Variants in ZCCHC7 observed in about 807,000 individuals in gnomAD.
The protein encoded by ZCCHC7 is zinc finger CCHC-type containing 7, also known as zinc finger CCHC domain-containing protein 7.
In ZCCHC7, 35 loss-of-function variants were observed where a neutral mutation model predicts 52.0. The ratio of observed to expected loss-of-function variants is 0.67; its 90% CI spans 0.51 to 0.89. The LOEUF (loss-of-function observed/expected upper bound fraction) is 0.89. Among genes scored for constraint, ZCCHC7 ranks in the 40% least tolerant of loss-of-function variants. ZCCHC7 has a pLI of 0.00. For synonymous variants in ZCCHC7, 217 were observed against 221.5 expected (o/e 0.98, Z 0.18); for missense variants, 574 against 649.1 (o/e 0.88, Z 1.26).
chr9:37,155,121 G>A (rs1039422460), intron 2 of ZCCHC7, among the ~76,000 whole-genome samples: 1 of 152,116 alleles, frequency 6.6e-6, no homozygotes, highest in African/African-American at 2.4e-5. Flanking sequence ...AGCACTTTGG[G>A]AGGCCAAGGC....
At chr9:37,349,529 T>C (rs1349695209) in intron 7 of ZCCHC7, 77 bp downstream of exon 7, 7 of 1,366,042 alleles carry the variant, frequency 5.1e-6, no homozygotes, top group Admixed American at 1.9e-5. Flanking sequence ...TCAAAAAGAA[T>C]GTAACTCTAA....
At chr9:37,259,523 G>A (rs1826763112) in intron 2 of ZCCHC7, among the ~76,000 whole-genome samples, 1 of 152,094 alleles carries the variant, frequency 6.6e-6, no homozygotes, top group Non-Finnish European at 1.5e-5. Context: ...TTGAGGACAG[G>A]CCTTGTACTG....
At chr9:37,222,227 CAAAT>C (rs1824852143) in intron 2 of ZCCHC7, among the ~76,000 whole-genome samples, 1 of 146,196 alleles carries the variant, frequency 6.8e-6, no homozygotes, top group Admixed American at 6.8e-5. Context: ...AAAAAAAAAA[CAAAT>C]GGTGACGTGT....
chr9:37,204,824 G>C (rs906205953), intron 2 of ZCCHC7, among the ~76,000 whole-genome samples: 1 of 152,106 alleles, frequency 6.6e-6, no homozygotes. Context: ...TTTTAAAGTA[G>C]TTTTTTTCTG....
chr9:37,320,226 T>G (rs1287175263), intron 5 of ZCCHC7, among the ~76,000 whole-genome samples: 1 of 151,974 alleles, frequency 6.6e-6, no homozygotes, highest in Admixed American at 6.6e-5. Flanking sequence ...TACAGGCGCC[T>G]ACCACCACAC....
intron 2 of ZCCHC7, among the ~76,000 whole-genome samples, chr9:37,294,572 G>T (rs1166787241): frequency 1.3e-5 from 2 of 152,244 alleles, no homozygotes; most frequent in East Asian, 3.9e-4. Flanking sequence ...TACAGAAATT[G>T]TAAGTTTTTT....
chr9:37,169,043 A>G (rs1016911577), intron 2 of ZCCHC7, among the ~76,000 whole-genome samples: 1 of 152,202 alleles, frequency 6.6e-6, no homozygotes, highest in African/African-American at 2.4e-5. Flanking sequence ...TGAACTGTTG[A>G]AAGATCTCCT....
rs1829066368 is a variant in ZCCHC7 at position 37,302,241 on chromosome 9, A to G, written c.654+10A>G. On this transcript the variant is annotated intron_variant, in intron 3 of 8. Transcript: ENST00000336755. Reference sequence around the variant, plus strand: ...TGACAAAGACATTGAGGTAAAATCAAATTGTTTTTAAAATTCAGAATAATA... The same window carrying G: ...TGACAAAGACATTGAGGTAAAATCAGATTGTTTTTAAAATTCAGAATAATA... 1 of 1,595,048 alleles carries G rather than the reference A, an allele frequency of 6.3e-7. No individual in the cohort carries two copies. Among genetic ancestry groups the G allele is most frequent in the Non-Finnish European group, 8.6e-7 (1 of 1,165,814 alleles).
intron 5 of ZCCHC7, chr9:37,327,446 T>A (rs563156608): frequency 4.7e-6 from 1 of 210,596 alleles, no homozygotes; most frequent in African/African-American, 2.3e-5. Flanking sequence ...AAAATGCTGT[T>A]TTAAAAGGTG....
At chr9:37,329,858 A>T (rs2118218642) in intron 6 of ZCCHC7, among the ~76,000 whole-genome samples, 1 of 151,962 alleles carries the variant, frequency 6.6e-6, no homozygotes, top group African/African-American at 2.4e-5. Context: ...CTCAGTTAGA[A>T]TTGTTACTAC....
chr9:37,185,262 A>G (rs1265426666), intron 2 of ZCCHC7, among the ~76,000 whole-genome samples: 2 of 152,096 alleles, frequency 1.3e-5, no homozygotes, highest in Non-Finnish European at 2.9e-5. Context: ...ATCACCTCCT[A>G]TCCCTTAGGA....
intron 2 of ZCCHC7, among the ~76,000 whole-genome samples, chr9:37,149,019 C>T (rs1843565914): frequency 6.6e-6 from 1 of 152,070 alleles, no homozygotes; most frequent in African/African-American, 2.4e-5. Context: ...GTTCTAAATA[C>T]ATTCTGAACA....
chr9:37,130,836 G>A (rs979780685), intron 2 of ZCCHC7, among the ~76,000 whole-genome samples: 17 of 151,956 alleles, frequency 1.1e-4, no homozygotes, highest in African/African-American at 4.1e-4. Context: ...CAAAATTCTG[G>A]TGATACAAGT....
chr9:37,250,730 A>T (rs1007245897), intron 2 of ZCCHC7, among the ~76,000 whole-genome samples: 4 of 151,956 alleles, frequency 2.6e-5, no homozygotes, highest in African/African-American at 9.7e-5. Flanking sequence ...GTTTTTACTT[A>T]TTTTTTTCAT....
chr9:37,349,411 G>A lies in ZCCHC7; in HGVS notation c.1042G>A (p.Ala348Thr). The change falls in exon 7 of 9, where the codon GCA (alanine) becomes ACA (threonine). Residue 348 changes from alanine (A) to threonine (T), a missense_variant. Coordinates refer to ENST00000336755, the MANE Select transcript of ZCCHC7 (RefSeq NM_032226.3). ...GACCCCTTCAAGACCATCAGCCTTA[G>A]CATATTGCTATCACTGCGCGCAAAA... ...PKTPSRPSAL[A>T]YCYHCAQKGH... 1 of 1,614,062 alleles carries A rather than the reference G, an allele frequency of 6.2e-7. No individual in the cohort carries two copies. Among genetic ancestry groups the A allele is most frequent in the Non-Finnish European group, 8.5e-7 (1 of 1,179,990 alleles).
chr9:37,343,018 T>C (rs1188989643), intron 6 of ZCCHC7, among the ~76,000 whole-genome samples: 1 of 152,262 alleles, frequency 6.6e-6, no homozygotes, highest in African/African-American at 2.4e-5. Flanking sequence ...ATAATCTTTG[T>C]ATTATGTGTG....
rs939132958 is a variant in ZCCHC7, at chr9:37,357,788, A to C, written c.*520A>C. The C allele has an allele frequency of 6.6e-6, 1 of 151,894 alleles. No homozygotes were observed. Among genetic ancestry groups the C allele is most frequent in the Non-Finnish European group, 1.5e-5 (1 of 68,100 alleles). The allele number at this position is 151,894 out of a possible 1,614,324, so 9.4% of individuals were successfully genotyped here. On this transcript the variant is annotated 3_prime_UTR_variant, in exon 9 of 9. Coordinates refer to ENST00000336755, the MANE Select transcript of ZCCHC7 (RefSeq NM_032226.3). ...CCTTTGGACAAAACATCACTAGCTG[A>C]CTATAAAAACAAAAGTGTCATCATT... is the stretch of plus-strand genomic sequence containing the variant.
intron 2 of ZCCHC7, among the ~76,000 whole-genome samples, chr9:37,285,869 G>C (rs1254634929): frequency 6.6e-6 from 1 of 152,176 alleles, no homozygotes; most frequent in East Asian, 1.9e-4. Flanking sequence ...ACTGGTTCCT[G>C]TCTCCTTACA....
rs192096055 is a variant in ZCCHC7 at position 37,122,719 on chromosome 9, C to A, written c.-22+2096C>A. 7.9e-5 allele frequency among the ~76,000 whole-genome samples: 12 copies of A among 152,324 alleles called. No homozygotes were observed. In the East Asian group the frequency reaches 2.3e-3, roughly 29 times the overall value. On this transcript the variant is annotated intron_variant, in intron 1 of 8. Coordinates refer to ENST00000336755, the MANE Select transcript of ZCCHC7 (RefSeq NM_032226.3). ...CTTTGGGAGTCCGAGTGGGGCGGAT[C>A]ACGAGGTCAGGAGTTCGAGACCAGC...
Sources: allele counts gnomAD v4.1 joint callset (sites outside exome capture counted in the v4.1 genomes callset), GRCh38; gene constraint gnomAD v4.1.1; transcripts MANE v1.5; gene names NCBI Gene and HGNC (gene_info 2026-07-23, HGNC 2026-07-21).